Variants in DCAF1 observed in about 807,000 individuals in gnomAD.
The protein encoded by DCAF1 is DDB1 and CUL4 associated factor 1.
In DCAF1, 15 loss-of-function variants were observed where a neutral mutation model predicts 128.0. The observed-to-expected ratio is 0.12, with a 90% CI of 0.08 to 0.18. The LOEUF (loss-of-function observed/expected upper bound fraction) is 0.18, where lower values mean the gene tolerates loss of function less well. Ranked by LOEUF, DCAF1 falls within the 10% of genes least tolerant of loss-of-function variation. The pLI is 1.00. For missense variants in DCAF1, 988 were observed against 1,649.5 expected (o/e 0.60, Z 6.95); for synonymous variants, 610 against 603.0 (o/e 1.01, Z -0.17).
intron 10 of DCAF1, among the ~76,000 whole-genome samples, chr3:51,432,267 T>TAG (rs1324930455): frequency 2.0e-5 from 2 of 99,042 alleles, no homozygotes; most frequent in Non-Finnish European, 3.8e-5. Context: ...CAAGATTCTG[T>TAG]AAAAAAAAAA....
rs782793559 is a variant in DCAF1 at position 51,418,085 on chromosome 3, C to T, written c.3518+31G>A. The T allele has an allele frequency of 3.8e-6, 6 of 1,594,464 alleles. No homozygotes were observed. The South Asian group carries it at 5.7e-5, about 15-fold the overall frequency. ...GGGGGTATAAACTAGGTAAATAAAG[C>T]ACAGACTAGGTTCCAAAAGCAGATA... On this transcript the variant is annotated intron_variant, in intron 17 of 24. Coordinates refer to ENST00000684031, the MANE Select transcript of DCAF1 (RefSeq NM_001387579.1).
At chr3:51,474,272 T>G (rs918370581) in intron 3 of DCAF1, among the ~76,000 whole-genome samples, 3 of 151,950 alleles carry the variant, frequency 2.0e-5, no homozygotes, top group Non-Finnish European at 4.4e-5. Flanking sequence ...TACAAAAAAT[T>G]AGCCGGGCAT....
chr3:51,398,646 A>C lies in DCAF1; in HGVS notation c.*123T>G, dbSNP rs2089401010. On this transcript the variant is annotated 3_prime_UTR_variant, in exon 25 of 25. Transcript: ENST00000684031. ...GGCTCTCTAAGCCATAATCTTCTGA[A>C]TGCAGGGCATGCAGCTCCTTAAAAG... 7.6e-7 allele frequency: 1 copy of C among 1,310,972 alleles called. No individual in the cohort carries two copies. The highest frequency in any genetic ancestry group is 2.5e-5 in the East Asian group (1 of 39,652). The allele number at this position is 1,310,972 out of a possible 1,614,324, so 81.2% of individuals were successfully genotyped here. A position where few individuals can be genotyped will look rare whatever the true frequency, so the allele number is the denominator to read the frequency against.
intron 13 of DCAF1, among the ~76,000 whole-genome samples, chr3:51,425,428 T>A (rs1577104961): frequency 1.3e-5 from 2 of 151,964 alleles, no homozygotes; most frequent in East Asian, 3.9e-4. Flanking sequence ...GCCAAGATCC[T>A]GCCACTGCAC....
At chr3:51,441,273 T>C in intron 8 of DCAF1, 112 bp downstream of exon 8, 2 of 1,375,646 alleles carry the variant, frequency 1.5e-6, no homozygotes, top group East Asian at 2.5e-5. Flanking sequence ...ATGCAAACCC[T>C]TGTTTGTGGT....
chr3:51,430,193 T>C lies in DCAF1; in HGVS notation c.1307A>G (p.Asn436Ser). ...ATAGTTCACCACATCAGACAGAACA[T>C]TGTGGGGATGCATGCAAACCTGCAA... ...AMERVCMHPH[N>S]VLSDVVNYTL... The change falls in exon 11 of 25, where the codon AAT (asparagine) becomes AGT (serine). Residue 436 changes from asparagine to serine, a missense_variant. Asn to Ser is a conservative substitution (Grantham distance 46). Transcript: ENST00000684031. 5.1e-6 allele frequency: 4 copies of C among 779,152 alleles called. No homozygotes were observed. The highest frequency in any genetic ancestry group is 2.3e-4 in the Middle Eastern group (1 of 4,432). 48.3% of individuals were successfully genotyped at this position (779,152 alleles called of 1,614,324 possible).
At chr3:51,495,989 G>C (rs1320170355) in intron 2 of DCAF1, among the ~76,000 whole-genome samples, 1 of 148,890 alleles carries the variant, frequency 6.7e-6, no homozygotes, top group African/African-American at 2.5e-5. Flanking sequence ...GCGAGACCTT[G>C]TCTCAAGGAA....
At chr3:51,459,879 A>G (rs1703348789) in intron 6 of DCAF1, among the ~76,000 whole-genome samples, 1 of 152,200 alleles carries the variant, frequency 6.6e-6, no homozygotes, top group African/African-American at 2.4e-5. Flanking sequence ...AAAACTCTCA[A>G]TAAATTAGGT....
At chr3:51,499,040 G>T (rs1232223531) in intron 1 of DCAF1, among the ~76,000 whole-genome samples, 1 of 152,180 alleles carries the variant, frequency 6.6e-6, no homozygotes, top group Admixed American at 6.5e-5. Flanking sequence ...GGCCAAGGAC[G>T]AGTCATTTGT....
At chr3:51,453,375 C>A (rs1376080089) in intron 6 of DCAF1, among the ~76,000 whole-genome samples, 1 of 152,226 alleles carries the variant, frequency 6.6e-6, no homozygotes, top group African/African-American at 2.4e-5. Flanking sequence ...TTCCTATAAT[C>A]CCAGCACTTT....
chr3:51,439,561 C>A (rs1046388984), intron 9 of DCAF1, among the ~76,000 whole-genome samples: 1 of 151,748 alleles, frequency 6.6e-6, no homozygotes, highest in African/African-American at 2.4e-5. Flanking sequence ...CCCACCTCAG[C>A]CTCCTGAGTA....
intron 5 of DCAF1, among the ~76,000 whole-genome samples, chr3:51,464,868 T>C (rs191788454): frequency 4.6e-5 from 7 of 151,876 alleles, no homozygotes; most frequent in Admixed American, 1.3e-4. Context: ...TAAGGAAACG[T>C]TGGAGGAGAG....
At chr3:51,440,108 A>G in intron 9 of DCAF1, 3 of 493,990 alleles carry the variant, frequency 6.1e-6, no homozygotes, top group South Asian at 4.5e-5. Context: ...AACTGAGGCC[A>G]CCCCATGTCT....
At chr3:51,463,949 G>A (rs2108077999) in intron 5 of DCAF1, among the ~76,000 whole-genome samples, 1 of 152,166 alleles carries the variant, frequency 6.6e-6, no homozygotes, top group South Asian at 2.1e-4. Flanking sequence ...CGACCTCCCA[G>A]TCTCAAGTGA....
chr3:51,419,288 G>C (rs1450324498), intron 15 of DCAF1, among the ~76,000 whole-genome samples: 4 of 151,800 alleles, frequency 2.6e-5, no homozygotes, highest in East Asian at 1.9e-4. Flanking sequence ...TCGAACCTAG[G>C]AGGCAGAGGT....
At chr3:51,444,688 TTA>T (rs797034820) in intron 6 of DCAF1, among the ~76,000 whole-genome samples, 45 of 146,224 alleles carry the variant, frequency 3.1e-4, no homozygotes, top group African/African-American at 1.1e-3. Context: ...GATTGATTGA[TTA>T]ATTGAGACAG....
At chr3:51,403,907 G>C (rs1553625804) in intron 23 of DCAF1, among the ~76,000 whole-genome samples, 1 of 152,154 alleles carries the variant, frequency 6.6e-6, no homozygotes, top group East Asian at 1.9e-4. Flanking sequence ...ACAAACATTT[G>C]ATCAGAACAA....
At chr3:51,443,942 G>GC in intron 6 of DCAF1, 39 bp from the exon 7 acceptor site, 1 of 1,533,496 alleles carries the variant, frequency 6.5e-7, no homozygotes, top group South Asian at 1.3e-5. Flanking sequence ...TTCGGAAAAA[G>GC]CCCAAGTTCA....
rs1700193155 is a variant in DCAF1, at chr3:51,429,577, A to G, written c.1468-107T>C. 4 of 667,636 alleles carry G rather than the reference A, an allele frequency of 6.0e-6. No homozygotes were observed. In the Admixed American group the frequency reaches 9.4e-5, roughly 16 times the overall value. The allele number at this position is 667,636 out of a possible 1,614,324, so 41.4% of individuals were successfully genotyped here. ...TTTTAGTAAACTTTTTTTACTTTCC[A>G]TACATATTCTGCTTATGTATCAGTA... On this transcript the variant is annotated intron_variant, in intron 11 of 24. Transcript: ENST00000684031.
Sources: gnomAD v4.1 joint callset for allele counts (sites outside exome capture counted in the v4.1 genomes callset) on GRCh38, gnomAD v4.1.1 for gene constraint, MANE v1.5 for transcripts, NCBI Gene and HGNC (gene_info 2026-07-23, HGNC 2026-07-21) for gene names.